Variants in COMMD10 observed in about 807,000 individuals in gnomAD.
COMMD10 encodes COMM domain-containing protein 10.
Under a neutral mutation model 28.9 loss-of-function variants are expected in COMMD10, and 33 were observed. The ratio of observed to expected loss-of-function variants is 1.14; its 90% CI spans 0.87 to 1.53. The LOEUF is 1.53. Among genes scored for constraint, COMMD10 ranks in the 40% most tolerant of loss-of-function variants. COMMD10 has a pLI of 0.00. For synonymous variants in COMMD10, 110 were observed against 81.7 expected (o/e 1.35, Z -1.87); for missense variants, 310 against 233.4 (o/e 1.33, Z -2.14).
chr5:116,156,044 G>C (rs937438733), intron 5 of COMMD10, among the ~76,000 whole-genome samples: 6 of 152,088 alleles, frequency 3.9e-5, no homozygotes, highest in Non-Finnish European at 7.4e-5. Flanking sequence ...ATAATGTAGA[G>C]AGTGCTTAGA....
intron 5 of COMMD10, among the ~76,000 whole-genome samples, chr5:116,256,306 G>T (rs534947100): frequency 2.0e-5 from 3 of 151,726 alleles, no homozygotes; most frequent in African/African-American, 7.3e-5. Flanking sequence ...GTTCCTTTTG[G>T]GGTTGTTGAG....
At chr5:116,269,092 A>G (rs942474121) in intron 5 of COMMD10, among the ~76,000 whole-genome samples, 1 of 151,808 alleles carries the variant, frequency 6.6e-6, no homozygotes, top group African/African-American at 2.4e-5. Flanking sequence ...AGCTTAAAGT[A>G]TAATAATAAT....
intron 5 of COMMD10, among the ~76,000 whole-genome samples, chr5:116,208,320 CT>C (rs1355908941): frequency 1.3e-5 from 2 of 152,054 alleles, no homozygotes; most frequent in Non-Finnish European, 2.9e-5. Context: ...GGAATACCCT[CT>C]GTTCACCTCC....
rs545379066 is a variant in COMMD10 at position 116,123,695 on chromosome 5, G to T, written c.400-10373G>T. On this transcript the variant is annotated intron_variant, in intron 4 of 6. Transcript: ENST00000274458. ...TAGATTTCAGCTATGAATCTGTCTG[G>T]TCCTTGGCTTTTTTTGGTTGGCAGG... Among the ~76,000 whole-genome samples, 4 of 152,202 alleles carry T rather than the reference G, an allele frequency of 2.6e-5. 1 individual carries two copies. The East Asian group carries it at 5.8e-4, about 22-fold the overall frequency.
intron 5 of COMMD10, among the ~76,000 whole-genome samples, chr5:116,212,264 G>A (rs1048246362): frequency 1.5e-4 from 23 of 152,080 alleles, no homozygotes; most frequent in Admixed American, 5.9e-4. Flanking sequence ...AATTTGATAA[G>A]CCAGGAACTG....
chr5:116,170,360 TC>T (rs1022988119), intron 5 of COMMD10, among the ~76,000 whole-genome samples: 2 of 152,126 alleles, frequency 1.3e-5, no homozygotes, highest in African/African-American at 2.4e-5. Flanking sequence ...TGAAAAACAT[TC>T]TATGCTCATG....
intron 4 of COMMD10, among the ~76,000 whole-genome samples, chr5:116,117,906 G>A (rs1751294069): frequency 6.6e-6 from 1 of 152,110 alleles, no homozygotes; most frequent in Non-Finnish European, 1.5e-5. Context: ...CTCCAAAAGT[G>A]ATTTTTTAAA....
chr5:116,194,271 C>G (rs1748447890), intron 5 of COMMD10, among the ~76,000 whole-genome samples: 1 of 151,824 alleles, frequency 6.6e-6, no homozygotes, highest in Admixed American at 6.6e-5. Context: ...ACTAGAGAAA[C>G]AAGAACAAAC....
intron 5 of COMMD10, among the ~76,000 whole-genome samples, chr5:116,178,182 A>G (rs1747803916): frequency 6.6e-6 from 1 of 152,250 alleles, no homozygotes; most frequent in Non-Finnish European, 1.5e-5. Flanking sequence ...GCTTAAATGA[A>G]TGATGGAGTT....
At chr5:116,110,291 T>G (rs1045301194) in intron 4 of COMMD10, among the ~76,000 whole-genome samples, 1 of 152,214 alleles carries the variant, frequency 6.6e-6, no homozygotes, top group African/African-American at 2.4e-5. Flanking sequence ...TGTTTAGGAC[T>G]GTTGTGTCTA....
At chr5:116,213,881 A>G (rs1289456131) in intron 5 of COMMD10, among the ~76,000 whole-genome samples, 3 of 152,184 alleles carry the variant, frequency 2.0e-5, no homozygotes, top group Admixed American at 2.0e-4. Flanking sequence ...TGTTGTTAAA[A>G]GGGACAAAAA....
chr5:116,167,580 A>C (rs1452595317), intron 5 of COMMD10, among the ~76,000 whole-genome samples: 1 of 152,178 alleles, frequency 6.6e-6, no homozygotes, highest in Non-Finnish European at 1.5e-5. Flanking sequence ...AAAAAATGTT[A>C]AGGGCAGCCA....
intron 5 of COMMD10, among the ~76,000 whole-genome samples, chr5:116,152,397 A>G (rs1047094132): frequency 6.6e-6 from 1 of 152,110 alleles, no homozygotes; most frequent in Non-Finnish European, 1.5e-5. Flanking sequence ...CTGTGAAAGA[A>G]GAAATCCACA....
intron 4 of COMMD10, among the ~76,000 whole-genome samples, chr5:116,102,182 A>C (rs1750687240): frequency 6.6e-6 from 1 of 152,158 alleles, no homozygotes; most frequent in Non-Finnish European, 1.5e-5. Flanking sequence ...TAGTATTTTA[A>C]ATTTCAAGTA....
rs1365843294 is a variant in COMMD10, at chr5:116,145,175, C to T, written c.510+10997C>T. ...TTCTAGTAGGTTTGAGAACAGAGGA[C>T]AAAGTGTGAAATGGTTATTTTGGAT... On this transcript the variant is annotated intron_variant, in intron 5 of 6. Coordinates refer to ENST00000274458, the MANE Select transcript of COMMD10 (RefSeq NM_016144.4). Among the ~76,000 whole-genome samples the T allele has an allele frequency of 1.1e-4, 17 of 151,764 alleles. 1 individual carries two copies. The highest frequency in any genetic ancestry group is 1.1e-3 in the Admixed American group (17 of 15,192).
chr5:116,102,081 A>G (rs756911512), intron 4 of COMMD10, among the ~76,000 whole-genome samples: 1 of 152,070 alleles, frequency 6.6e-6, no homozygotes, highest in Non-Finnish European at 1.5e-5. Context: ...CCATTTGTCT[A>G]TTTTTATTTT....
chr5:116,276,324 CT>C (rs1443188518), intron 5 of COMMD10, among the ~76,000 whole-genome samples: 1 of 151,748 alleles, frequency 6.6e-6, no homozygotes, highest in Non-Finnish European at 1.5e-5. Context: ...ACTATCTCAA[CT>C]TACTGTAACC....
At chr5:116,211,734 A>G (rs1247927358) in intron 5 of COMMD10, among the ~76,000 whole-genome samples, 2 of 152,168 alleles carry the variant, frequency 1.3e-5, no homozygotes, top group Non-Finnish European at 2.9e-5. Flanking sequence ...AAACAAGTTT[A>G]ATAAATGTCT....
chr5:116,094,492 G>A (rs1750405032), intron 4 of COMMD10, among the ~76,000 whole-genome samples: 1 of 152,146 alleles, frequency 6.6e-6, no homozygotes, highest in Non-Finnish European at 1.5e-5. Context: ...CAGTTAGAAT[G>A]GCTATTATTA....
Sources: gnomAD v4.1 joint callset for allele counts (sites outside exome capture counted in the v4.1 genomes callset) on GRCh38, gnomAD v4.1.1 for gene constraint, MANE v1.5 for transcripts, NCBI Gene and HGNC (gene_info 2026-07-23, HGNC 2026-07-21) for gene names.